The following COL27A1 variants were observed in gnomAD, a reference collection of about 807,000 sequenced individuals.
The protein encoded by COL27A1 is collagen type XXVII alpha 1 chain, also known as collagen alpha-1(XXVII) chain.
A neutral mutation model predicts 251.3 loss-of-function variants in COL27A1; 106 were observed. The observed-to-expected ratio is 0.42, with a 90% CI of 0.36 to 0.50. The LOEUF (loss-of-function observed/expected upper bound fraction) is 0.50, where lower values mean the gene tolerates loss of function less well. COL27A1 is among the 20% of genes least tolerant of loss of function. The pLI is 0.00. For missense variants in COL27A1, 2,325 were observed against 2,522.8 expected (o/e 0.92, Z 1.68); for synonymous variants, 1,000 against 986.3 (o/e 1.01, Z -0.26).
intron 37 of COL27A1, among the ~76,000 whole-genome samples, chr9:114,277,167 G>C (rs954171624): frequency 2.0e-5 from 3 of 152,088 alleles, no homozygotes; most frequent in African/African-American, 7.2e-5. Flanking sequence ...ACTTGGTAGT[G>C]GGGGGCAGTG....
At position 114,264,075 on chromosome 9, in the gene COL27A1, C is replaced by T. The variant is rs562497364; in HGVS notation, c.3196-280C>T. Among the ~76,000 whole-genome samples, 4 of 152,338 alleles carry T rather than the reference C, an allele frequency of 2.6e-5. No homozygotes were observed. In the East Asian group the frequency reaches 7.7e-4, roughly 29 times the overall value. On this transcript the variant is annotated intron_variant, in intron 28 of 60. Coordinates refer to ENST00000356083, the MANE Select transcript of COL27A1 (RefSeq NM_032888.4). ...CTGTGAAATGGATTGGCTGGGTGACCCCCAAGGTCTCTCTGAACAGGGCCA... is the reference window on the plus strand; with the variant it reads ...CTGTGAAATGGATTGGCTGGGTGACTCCCAAGGTCTCTCTGAACAGGGCCA...
Position 114,168,065 on chromosome 9 carries a change from G to C in COL27A1, c.510G>C (p.Leu170=). The C allele has an allele frequency of 6.2e-7, 1 of 1,609,226 alleles. No homozygotes were observed. The change falls in exon 3 of 61, where the codon CTG becomes CTC. Residue 170 remains leucine, a synonymous_variant. Coordinates refer to ENST00000356083, the MANE Select transcript of COL27A1 (RefSeq NM_032888.4). ...AGCTCCGAGGCCGCACAGTCACTCTGGTGACTGCCTGCGGGCAGCGCCGGG... is the reference window on the plus strand; with the variant it reads ...AGCTCCGAGGCCGCACAGTCACTCTCGTGACTGCCTGCGGGCAGCGCCGGG... The part of the protein sequence containing the change: ...ALELRGRTVT[L]VTACGQRRVP...
intron 12 of COL27A1, among the ~76,000 whole-genome samples, chr9:114,212,104 A>T (rs1011996949): frequency 6.6e-6 from 1 of 152,204 alleles, no homozygotes; most frequent in Non-Finnish European, 1.5e-5. Flanking sequence ...GAAAAGAAAA[A>T]AGCCTCAAAG....
chr9:114,201,136 C>T (rs1468625021), intron 7 of COL27A1, among the ~76,000 whole-genome samples: 1 of 152,214 alleles, frequency 6.6e-6, no homozygotes, highest in Non-Finnish European at 1.5e-5. Flanking sequence ...AGACCGAGTT[C>T]TATTATAAAC....
intron 4 of COL27A1, among the ~76,000 whole-genome samples, chr9:114,178,632 C>T (rs910642005): frequency 7.9e-5 from 12 of 152,128 alleles, no homozygotes; most frequent in Admixed American, 2.0e-4. Flanking sequence ...CACATCCCTT[C>T]GGCTGGTGAG....
rs201241869 is a variant in COL27A1 at position 114,306,725 on chromosome 9, C to T, written c.5107+37C>T. The stretch of plus-strand genomic sequence containing the variant: ...TCCTGCCGGGGGTGGGTGCGCCTGG[C>T]GGTGGGGAGCTGGGGCAGGTGGAGT... On this transcript the variant is annotated intron_variant, in intron 58 of 60. Coordinates refer to ENST00000356083, the MANE Select transcript of COL27A1 (RefSeq NM_032888.4). 1.7e-4 allele frequency: 278 copies of T among 1,602,574 alleles called. 1 individual carries two copies. The East Asian group carries it at 3.7e-3, about 22-fold the overall frequency.
chr9:114,162,603 G>C, intron 1 of COL27A1, 112 bp from the exon 2 acceptor site: 1 of 756,182 alleles, frequency 1.3e-6, no homozygotes, highest in Admixed American at 2.0e-5. Context: ...GCCTCCCGTG[G>C]GCAGGACTGG....
Position 114,265,109 on chromosome 9 carries a change from C to G in COL27A1, c.3338C>G (p.Pro1113Arg), listed in dbSNP as rs1227896760. The change falls in exon 31 of 61, where the codon CCT becomes CGT. Residue 1113 changes from proline to arginine, a missense_variant and splice_region_variant. Physicochemically the swap from Pro to Arg is moderately radical, Grantham distance 103. Transcript: ENST00000356083. Reference protein sequence around the residue: ...ERGHLGSRGFPGIPGPSGPPG... With the variant: ...ERGHLGSRGFRGIPGPSGPPG... ...GGCCACTTGGGCTCGAGAGGCTTTCCTGTAAGTAGCACCAGTTCTTGAAAT... is the reference window on the plus strand; with the variant it reads ...GGCCACTTGGGCTCGAGAGGCTTTCGTGTAAGTAGCACCAGTTCTTGAAAT... The G allele has an allele frequency of 6.2e-7, 1 of 1,610,666 alleles. No homozygotes were observed. Among genetic ancestry groups the G allele is most frequent in the Admixed American group, 1.7e-5 (1 of 59,660 alleles).
intron 4 of COL27A1, 44 bp from the exon 5 acceptor site, chr9:114,182,978 G>A (rs1362838744): frequency 1.3e-6 from 2 of 1,584,656 alleles, no homozygotes; most frequent in South Asian, 1.1e-5. Context: ...GATGGCCCCT[G>A]TTTTTTGTCA....
intron 7 of COL27A1, among the ~76,000 whole-genome samples, chr9:114,200,066 A>T (rs959028214): frequency 6.6e-6 from 1 of 152,212 alleles, no homozygotes; most frequent in Non-Finnish European, 1.5e-5. Context: ...CTGTAATAAA[A>T]TGGGAGAGCA....
intron 12 of COL27A1, among the ~76,000 whole-genome samples, chr9:114,219,115 T>C (rs1298189367): frequency 6.6e-6 from 1 of 152,206 alleles, no homozygotes; most frequent in Non-Finnish European, 1.5e-5. Flanking sequence ...TTACAGCTGA[T>C]ATTTTTCCAG....
At position 114,229,043 on chromosome 9, in the gene COL27A1, T is replaced by G. The variant is rs969611692; in HGVS notation, c.2467-2036T>G. 5.9e-5 allele frequency among the ~76,000 whole-genome samples: 9 copies of G among 152,316 alleles called. No homozygotes were observed. In the South Asian group the frequency reaches 1.5e-3, roughly 25 times the overall value. On this transcript the variant is annotated intron_variant, in intron 14 of 60. Transcript: ENST00000356083. ...CTCCCTATGTTGCCCAGGCTGGTCT[T>G]GAACTCCTGGCCTCAAGCAATCCTC...
At chr9:114,185,078 C>T (rs1423778868) in intron 5 of COL27A1, among the ~76,000 whole-genome samples, 1 of 152,154 alleles carries the variant, frequency 6.6e-6, no homozygotes, top group Non-Finnish European at 1.5e-5. Context: ...TGGTAGCCCA[C>T]CCCAATCTTG....
intron 28 of COL27A1, among the ~76,000 whole-genome samples, chr9:114,260,632 C>T (rs1834252270): frequency 6.6e-6 from 1 of 152,090 alleles, no homozygotes; most frequent in Non-Finnish European, 1.5e-5. Context: ...CACCGCCCAC[C>T]CAAGGAAGAA....
intron 4 of COL27A1, among the ~76,000 whole-genome samples, chr9:114,181,016 C>T (rs1462232692): frequency 6.6e-6 from 1 of 152,182 alleles, no homozygotes; most frequent in African/African-American, 2.4e-5. Flanking sequence ...TCCTTGAACA[C>T]TCCCTCCCAA....
intron 28 of COL27A1, among the ~76,000 whole-genome samples, chr9:114,263,216 C>T (rs1189992417): frequency 1.3e-5 from 2 of 152,160 alleles, no homozygotes; most frequent in African/African-American, 2.4e-5. Context: ...GGATTACAGG[C>T]GTGAGCCACT....
intron 43 of COL27A1, 53 bp downstream of exon 43, chr9:114,288,808 G>C: frequency 6.2e-7 from 1 of 1,601,812 alleles, no homozygotes; most frequent in East Asian, 2.2e-5. Context: ...CAGGGAGAGG[G>C]GGGATGACAC....
upstream of COL27A1, among the ~76,000 whole-genome samples, chr9:114,154,738 G>T (rs1848029345): frequency 1.3e-5 from 2 of 152,278 alleles, no homozygotes; most frequent in East Asian, 3.9e-4. The surrounding 1 kb of genome is among the most constrained non-coding windows in gnomAD (Gnocchi z 5.8). Context: ...GACCGTGTGT[G>T]AGCGTGTGTC....
chr9:114,275,367 A>G (rs1460367533), intron 36 of COL27A1, among the ~76,000 whole-genome samples: 1 of 152,212 alleles, frequency 6.6e-6, no homozygotes. Context: ...GGGTGGGTGC[A>G]GTCAGGACCC....
Sources: gnomAD v4.1 joint callset for allele counts (sites outside exome capture counted in the v4.1 genomes callset) on GRCh38, gnomAD v4.1.1 for gene constraint, Gnocchi (gnomAD v3.1) non-coding constraint, MANE v1.5 for transcripts, NCBI Gene and HGNC (gene_info 2026-07-23, HGNC 2026-07-21) for gene names.